Variants in NIBAN1 observed in about 807,000 individuals in gnomAD.
The protein encoded by NIBAN1 is niban apoptosis regulator 1, also known as protein Niban 1.
A neutral mutation model predicts 75.1 loss-of-function variants in NIBAN1; 81 were observed. The observed-to-expected ratio is 1.08, with a 90% confidence interval of 0.90 to 1.30. NIBAN1 has a LOEUF of 1.30. Among genes scored for constraint, NIBAN1 ranks in the 50% most tolerant of loss-of-function variants. The pLI is 0.00. For missense variants in NIBAN1, 1,133 were observed against 1,128.1 expected, an observed-to-expected ratio of 1.00 and a Z score of -0.06; for synonymous variants, 436 against 424.8, an observed-to-expected ratio of 1.03 and a Z score of -0.32.
intron 1 of NIBAN1, among the ~76,000 whole-genome samples, chr1:184,916,310 T>G (rs1657381937): frequency 6.6e-6 from 1 of 152,170 alleles, no homozygotes; most frequent in African/African-American, 2.4e-5. Flanking sequence ...AAAGTTGTAA[T>G]AGGTAAATAC....
intron 7 of NIBAN1, 145 bp downstream of exon 7, chr1:184,823,493 G>T (rs369239659): frequency 1.6e-6 from 2 of 1,232,384 alleles, no homozygotes; most frequent in Non-Finnish European, 2.3e-6. Flanking sequence ...CAGTCTTCTT[G>T]TAAGTGAGAC....
At chr1:184,824,578 G>T (rs1654794033) in intron 6 of NIBAN1, among the ~76,000 whole-genome samples, 1 of 152,228 alleles carries the variant, frequency 6.6e-6, no homozygotes, top group Non-Finnish European at 1.5e-5. Context: ...TGCAGAAAAT[G>T]GAGATGCCAG....
At chr1:184,941,092 C>T (rs942905346) in intron 1 of NIBAN1, among the ~76,000 whole-genome samples, 4 of 152,124 alleles carry the variant, frequency 2.6e-5, no homozygotes, top group African/African-American at 9.7e-5. Context: ...ACCCAAAGCA[C>T]TTACAGTTTT....
intron 5 of NIBAN1, among the ~76,000 whole-genome samples, chr1:184,880,078 C>T (rs1656338302): frequency 6.6e-6 from 1 of 152,252 alleles, no homozygotes. Flanking sequence ...GCAGTCCTGG[C>T]TGTCCTTCAA....
At chr1:184,919,402 A>G (rs1039645514) in intron 1 of NIBAN1, among the ~76,000 whole-genome samples, 2 of 152,196 alleles carry the variant, frequency 1.3e-5, no homozygotes, top group African/African-American at 4.8e-5. Context: ...TCAAAACTAC[A>G]TGTTTACAAA....
At chr1:184,799,364 A>G (rs1653966712) in intron 12 of NIBAN1, among the ~76,000 whole-genome samples, 1 of 148,586 alleles carries the variant, frequency 6.7e-6, no homozygotes, top group South Asian at 2.2e-4. Flanking sequence ...CCTACAAAGG[A>G]CATGAACTCA....
At chr1:184,796,516 G>T (rs956565585) in intron 13 of NIBAN1, among the ~76,000 whole-genome samples, 1 of 152,160 alleles carries the variant, frequency 6.6e-6, no homozygotes, top group African/African-American at 2.4e-5. Context: ...ACACTTATCT[G>T]CTTTACCTTG....
chr1:184,917,368 ATTTTT>A (rs1168037153), intron 1 of NIBAN1, among the ~76,000 whole-genome samples: 1 of 89,116 alleles, frequency 1.1e-5, no homozygotes, highest in South Asian at 4.2e-4. Context: ...CGCCCGGCTA[ATTTTT>A]TTTTTTTTTT....
chr1:184,821,726 T>C (rs561088728), intron 8 of NIBAN1, among the ~76,000 whole-genome samples: 1 of 152,280 alleles, frequency 6.6e-6, no homozygotes, highest in South Asian at 2.1e-4. Flanking sequence ...TTTTAAGTAG[T>C]ACAAAGTATT....
At chr1:184,940,771 G>A (rs773545774) in intron 1 of NIBAN1, among the ~76,000 whole-genome samples, 10 of 152,174 alleles carry the variant, frequency 6.6e-5, no homozygotes, top group Non-Finnish European at 1.3e-4. Context: ...GGCACACTCT[G>A]CATTCTCAGT....
intron 4 of NIBAN1, chr1:184,888,223 A>G (rs1656577698): frequency 6.6e-6 from 1 of 152,204 alleles, no homozygotes; most frequent in South Asian, 2.1e-4. Context: ...ACTTATTCAT[A>G]AGCCTCTAGT....
chr1:184,821,397 C>T (rs535006358), intron 8 of NIBAN1: 1 of 152,220 alleles, frequency 6.6e-6, no homozygotes, highest in South Asian at 2.1e-4. Flanking sequence ...AAATGTGTTT[C>T]TGATATTTCA....
At chr1:184,960,138 G>A (rs1658591528) in intron 1 of NIBAN1, among the ~76,000 whole-genome samples, 1 of 152,150 alleles carries the variant, frequency 6.6e-6, no homozygotes, top group Non-Finnish European at 1.5e-5. Flanking sequence ...TGGCAAATGT[G>A]TAATATCTGA....
chr1:184,872,713 A>T (rs61823937), intron 5 of NIBAN1, among the ~76,000 whole-genome samples: 1 of 97,018 alleles, frequency 1.0e-5, no homozygotes, highest in African/African-American at 2.8e-5. Context: ...GTATCAAATT[A>T]AAAAAAAAAA....
At chr1:184,825,808 CA>C (rs1310153392) in intron 6 of NIBAN1, among the ~76,000 whole-genome samples, 1 of 152,180 alleles carries the variant, frequency 6.6e-6, no homozygotes, top group Non-Finnish European at 1.5e-5. Context: ...CTAAGATTTA[CA>C]AAAGGGGAAG....
At chr1:184,906,027 CAGG>C (rs1176494775) in intron 1 of NIBAN1, among the ~76,000 whole-genome samples, 2 of 150,336 alleles carry the variant, frequency 1.3e-5, no homozygotes, top group African/African-American at 4.9e-5. Context: ...CACCTGAGTG[CAGG>C]AGTTTGAAAC....
At chr1:184,865,038 G>A (rs1421437140) in intron 5 of NIBAN1, among the ~76,000 whole-genome samples, 2 of 147,890 alleles carry the variant, frequency 1.4e-5, no homozygotes, top group Non-Finnish European at 3.0e-5. Context: ...TCAGAGAAAT[G>A]CAAATCAAAA....
At chr1:184,882,724 C>T (rs547897636) in intron 5 of NIBAN1, among the ~76,000 whole-genome samples, 1 of 152,266 alleles carries the variant, frequency 6.6e-6, no homozygotes, top group South Asian at 2.1e-4. Flanking sequence ...GCAGTAAGTC[C>T]CATTTGGCTG....
At chr1:184,916,946 C>T (rs923334959) in intron 1 of NIBAN1, among the ~76,000 whole-genome samples, 8 of 152,156 alleles carry the variant, frequency 5.3e-5, no homozygotes, top group African/African-American at 1.9e-4. Context: ...ATAGTTGATT[C>T]ACTAACACCA....
Sources: gnomAD v4.1 joint callset for allele counts (sites outside exome capture counted in the v4.1 genomes callset) on GRCh38, gnomAD v4.1.1 for gene constraint, MANE v1.5 for transcripts, NCBI Gene and HGNC (gene_info 2026-07-23, HGNC 2026-07-21) for gene names.